Variants in CCDC191 observed in about 807,000 individuals in gnomAD.
CCDC191 encodes coiled-coil domain-containing protein 191.
CCDC191 carries 99 observed loss-of-function variants against 114.0 expected under a neutral mutation model. That is an observed-to-expected ratio of 0.87 (90% confidence interval 0.74 to 1.03). The LOEUF is 1.03. Ranked by LOEUF, CCDC191 falls within the 50% of genes least tolerant of loss-of-function variation. The pLI, the probability that CCDC191 is intolerant of heterozygous loss-of-function variation, is 0.00. For missense variants in CCDC191, 973 were observed against 1,087.0 expected (o/e 0.90, Z 1.47); for synonymous variants, 351 against 376.0 (o/e 0.93, Z 0.77).
chr3:114,044,492 T>C (rs1038676271), intron 3 of CCDC191, among the ~76,000 whole-genome samples: 1 of 152,226 alleles, frequency 6.6e-6, no homozygotes, highest in African/African-American at 2.4e-5. Flanking sequence ...CATTATTGCA[T>C]AGTTAGTTCT....
At chr3:114,014,024 A>C (rs911744137) in intron 8 of CCDC191, among the ~76,000 whole-genome samples, 3 of 152,224 alleles carry the variant, frequency 2.0e-5, no homozygotes, top group African/African-American at 7.2e-5. Flanking sequence ...GGTAATACCC[A>C]CTGTCTTAGG....
chr3:114,032,533 C>T (rs185402275), intron 6 of CCDC191, among the ~76,000 whole-genome samples: 1 of 152,236 alleles, frequency 6.6e-6, no homozygotes, highest in Admixed American at 6.5e-5. Flanking sequence ...AAACATAGCA[C>T]CTAGTCAGGA....
At chr3:113,966,308 A>G (rs1353359287) in intron 16 of CCDC191, among the ~76,000 whole-genome samples, 1 of 152,132 alleles carries the variant, frequency 6.6e-6, no homozygotes, top group Non-Finnish European at 1.5e-5. Context: ...GTCACAGGGA[A>G]GCATGCAATG....
chr3:114,003,958 C>T (rs917787517), intron 11 of CCDC191: 24 of 985,212 alleles, frequency 2.4e-5, no homozygotes, highest in African/African-American at 8.7e-5. Context: ...TGCTTCTATT[C>T]GTATAGTTTA....
chr3:114,046,039 G>T (rs1486056302), intron 3 of CCDC191, among the ~76,000 whole-genome samples: 2 of 152,182 alleles, frequency 1.3e-5, no homozygotes, highest in Non-Finnish European at 2.9e-5. Flanking sequence ...CCAAATGGAA[G>T]TTGGCTTGTA....
chr3:114,024,442 A>C (rs1216865605), intron 7 of CCDC191, among the ~76,000 whole-genome samples: 3 of 152,240 alleles, frequency 2.0e-5, no homozygotes, highest in Non-Finnish European at 4.4e-5. Flanking sequence ...AAAGACTTGG[A>C]ACCAACCCAA....
At chr3:113,998,884 C>T (rs1316993392) in intron 13 of CCDC191, among the ~76,000 whole-genome samples, 1 of 152,132 alleles carries the variant, frequency 6.6e-6, no homozygotes, top group Non-Finnish European at 1.5e-5. Context: ...TGCTTCTGAC[C>T]AAAGAACTCA....
chr3:114,042,346 T>C (rs2076574033), intron 4 of CCDC191, among the ~76,000 whole-genome samples: 1 of 152,214 alleles, frequency 6.6e-6, no homozygotes, highest in Non-Finnish European at 1.5e-5. Context: ...GAATTTATAC[T>C]GTATTAGGTA....
rs117917970 is a variant in CCDC191 at position 114,019,537 on chromosome 3, A to G, written c.973-669T>C. ...ACTTAACTCATGATCCTAGTCTAAG[A>G]AAATCACTGAGACCTAGTCCTTGCT... On this transcript the variant is annotated intron_variant, in intron 7 of 16. Transcript: ENST00000295878. 1.8e-4 allele frequency among the ~76,000 whole-genome samples: 28 copies of G among 152,334 alleles called. No individual in the cohort carries two copies. In the East Asian group the frequency reaches 5.0e-3, roughly 27 times the overall value.
intron 16 of CCDC191, among the ~76,000 whole-genome samples, chr3:113,973,283 T>C (rs1300105671): frequency 3.9e-5 from 6 of 152,208 alleles, no homozygotes; most frequent in Non-Finnish European, 2.9e-5. Context: ...GCTGTAGCTA[T>C]TACTGTTTTT....
intron 1 of CCDC191, 124 bp downstream of exon 1, chr3:114,056,253 T>G (rs1464798164): frequency 2.2e-6 from 2 of 893,388 alleles, no homozygotes; most frequent in Non-Finnish European, 3.6e-6. Context: ...TTTGGGGCGG[T>G]CAAGGCAGGG....
intron 7 of CCDC191, among the ~76,000 whole-genome samples, chr3:114,027,607 A>AAG (rs2076340879): frequency 6.7e-6 from 1 of 148,924 alleles, no homozygotes; most frequent in African/African-American, 2.4e-5. Flanking sequence ...GTCTCAAAAA[A>AAG]AAAAAAAAAA....
At chr3:114,046,770 A>C in intron 2 of CCDC191, 38 bp from the exon 3 acceptor site, 2 of 1,550,458 alleles carry the variant, frequency 1.3e-6, no homozygotes, top group Non-Finnish European at 1.7e-6. Flanking sequence ...TAAAGATGAC[A>C]ACAAATTTGT....
At chr3:114,028,980 A>T (rs141117427) in intron 7 of CCDC191, among the ~76,000 whole-genome samples, 7 of 151,264 alleles carry the variant, frequency 4.6e-5, no homozygotes, top group African/African-American at 1.7e-4. Flanking sequence ...ATCTATATAT[A>T]TTTTATATAT....
chr3:113,971,940 T>C (rs1249488937), intron 16 of CCDC191, among the ~76,000 whole-genome samples: 3 of 152,134 alleles, frequency 2.0e-5, no homozygotes, highest in Non-Finnish European at 4.4e-5. Flanking sequence ...TATCCATTTC[T>C]TCTATGTTTT....
At chr3:113,987,146 C>A (rs1313365499) in intron 13 of CCDC191, among the ~76,000 whole-genome samples, 3 of 150,068 alleles carry the variant, frequency 2.0e-5, no homozygotes, top group Non-Finnish European at 4.4e-5. Flanking sequence ...AAAAAAAACA[C>A]CTGTCAACCC....
At chr3:113,975,368 T>TA (rs1159508024) in intron 16 of CCDC191, among the ~76,000 whole-genome samples, 10 of 152,238 alleles carry the variant, frequency 6.6e-5, no homozygotes, top group African/African-American at 2.4e-4. Flanking sequence ...TATATGGTAT[T>TA]ATTTCATTCA....
chr3:114,050,048 A>C (rs1302137725), intron 2 of CCDC191, among the ~76,000 whole-genome samples: 3 of 152,250 alleles, frequency 2.0e-5, no homozygotes, highest in Non-Finnish European at 4.4e-5. Flanking sequence ...ACTCAAGGAC[A>C]GTTCTGAAGC....
intron 16 of CCDC191, among the ~76,000 whole-genome samples, chr3:113,970,003 T>G (rs1444901601): frequency 1.3e-5 from 2 of 152,190 alleles, no homozygotes; most frequent in African/African-American, 2.4e-5. Context: ...TTCTATATGT[T>G]TGTGTCCTCT....
Sources: gnomAD v4.1 joint callset for allele counts (sites outside exome capture counted in the v4.1 genomes callset) on GRCh38, gnomAD v4.1.1 for gene constraint, MANE v1.5 for transcripts, NCBI Gene and HGNC (gene_info 2026-07-23, HGNC 2026-07-21) for gene names.